The following CNTN3 variants were observed in gnomAD, a reference collection of about 807,000 sequenced individuals.
CNTN3 encodes contactin-3.
Under a neutral mutation model 119.1 loss-of-function variants are expected in CNTN3, and 60 were observed. That is an observed-to-expected ratio of 0.50 (90% CI 0.41 to 0.62). CNTN3 has a LOEUF of 0.62. Among genes scored for constraint, CNTN3 ranks in the 20% least tolerant of loss-of-function variants. CNTN3 has a pLI of 0.00. For missense variants in CNTN3, 1,101 were observed against 1,242.4 expected (o/e 0.89, Z 1.71); for synonymous variants, 450 against 438.7 (o/e 1.03, Z -0.32).
intron 16 of CNTN3, 81 bp downstream of exon 16, chr3:74,301,317 G>T: frequency 7.2e-7 from 1 of 1,387,794 alleles, no homozygotes; most frequent in African/African-American, 1.4e-5. Flanking sequence ...CTGACCCCCT[G>T]CTGGCCTGGA....
intron 4 of CNTN3, among the ~76,000 whole-genome samples, chr3:74,448,412 C>T (rs1434452131): frequency 6.6e-6 from 1 of 152,156 alleles, no homozygotes; most frequent in Non-Finnish European, 1.5e-5. Flanking sequence ...AACATGAACT[C>T]ACTCTTCATC....
intron 1 of CNTN3, among the ~76,000 whole-genome samples, chr3:74,523,213 G>T (rs1350565233): frequency 6.6e-6 from 1 of 151,754 alleles, no homozygotes; most frequent in Admixed American, 6.6e-5. Context: ...GGCAGCCATA[G>T]TTTTTCTTCT....
intron 4 of CNTN3, among the ~76,000 whole-genome samples, chr3:74,471,508 T>C (rs1212137330): frequency 6.6e-6 from 1 of 152,178 alleles, no homozygotes; most frequent in Non-Finnish European, 1.5e-5. Flanking sequence ...GAATCCTTGA[T>C]CCTCTCTAGC....
At chr3:74,546,646 T>G (rs1369415919) in intron 1 of CNTN3, among the ~76,000 whole-genome samples, 1 of 152,170 alleles carries the variant, frequency 6.6e-6, no homozygotes, top group Non-Finnish European at 1.5e-5. Flanking sequence ...ACCAGTGGTT[T>G]GCCAGGAGCT....
At chr3:74,275,998 T>A (rs568802293) in intron 20 of CNTN3, among the ~76,000 whole-genome samples, 1 of 152,232 alleles carries the variant, frequency 6.6e-6, no homozygotes, top group South Asian at 2.1e-4. Context: ...TAGCTACTCT[T>A]ATATCAAACA....
chr3:74,531,016 T>C (rs1162654105), intron 1 of CNTN3, among the ~76,000 whole-genome samples: 2 of 151,934 alleles, frequency 1.3e-5, no homozygotes, highest in Non-Finnish European at 2.9e-5. Flanking sequence ...CTTTCTTCTC[T>C]TCCGGGCAAA....
chr3:74,517,310 G>C (rs554063753), intron 2 of CNTN3, among the ~76,000 whole-genome samples: 1 of 152,022 alleles, frequency 6.6e-6, no homozygotes, highest in South Asian at 2.1e-4. Flanking sequence ...GAGGAGATCA[G>C]GTCTTAAGTG....
In CNTN3 at chr3:74,302,786, T is replaced by A. The variant is rs773439000; in HGVS notation, c.1690A>T (p.Ile564Phe). 1 of 1,611,318 alleles carries A rather than the reference T, an allele frequency of 6.2e-7. No individual in the cohort carries two copies. Among genetic ancestry groups the A allele is most frequent in the South Asian group, 1.1e-5 (1 of 90,860 alleles). Residue 564 changes from isoleucine (I) to phenylalanine (F), a missense_variant, in exon 14 of 23, where the codon ATC (isoleucine) becomes TTC (phenylalanine). Transcript: ENST00000263665. ...CTGTGTTTCAGCTGAATGTTTCTGA[T>A]CATTAAATCACCAGATGAACTCTGT... ...VGGSSSGDLM[I>F]RNIQLKHSGK...
intron 2 of CNTN3, among the ~76,000 whole-genome samples, chr3:74,520,837 T>C (rs1278084042): frequency 6.6e-6 from 1 of 151,632 alleles, no homozygotes; most frequent in Non-Finnish European, 1.5e-5. Flanking sequence ...ATATCAGATG[T>C]CATTATATTT....
At chr3:74,485,086 C>T (rs1411351600) in intron 4 of CNTN3, among the ~76,000 whole-genome samples, 1 of 152,018 alleles carries the variant, frequency 6.6e-6, no homozygotes, top group African/African-American at 2.4e-5. Flanking sequence ...TATGCACATA[C>T]ACAATTATCT....
At position 74,424,980 on chromosome 3, in the gene CNTN3, C is replaced by T. The variant is rs751166160; in HGVS notation, c.359-40G>A. Reference sequence around the variant, plus strand: ...AAACAAAACTGAATTTTAGAAAGACCAATTAAATCACAAATTTTACACCAA... The same window carrying T: ...AAACAAAACTGAATTTTAGAAAGACTAATTAAATCACAAATTTTACACCAA... On this transcript the variant is annotated intron_variant, in intron 4 of 22. Coordinates refer to ENST00000263665, the MANE Select transcript of CNTN3 (RefSeq NM_020872.3). 4.4e-5 allele frequency: 60 copies of T among 1,351,052 alleles called. 1 individual carries two copies. The South Asian group carries it at 7.9e-4, about 18-fold the overall frequency. 83.7% of individuals were successfully genotyped at this position (1,351,052 alleles called of 1,614,324 possible).
chr3:74,431,463 CAAGT>C (rs1487324941), intron 4 of CNTN3, among the ~76,000 whole-genome samples: 2 of 152,148 alleles, frequency 1.3e-5, no homozygotes, highest in African/African-American at 4.8e-5. Flanking sequence ...CATTTCCCAA[CAAGT>C]AAATTTGAGT....
At chr3:74,596,540 A>G (rs1704813605) in intron 1 of CNTN3, among the ~76,000 whole-genome samples, 1 of 152,176 alleles carries the variant, frequency 6.6e-6, no homozygotes, top group Non-Finnish European at 1.5e-5. Context: ...CCACATATCT[A>G]CAACTATCTG....
chr3:74,583,731 C>T (rs1178165395), intron 1 of CNTN3, among the ~76,000 whole-genome samples: 2 of 152,174 alleles, frequency 1.3e-5, no homozygotes, highest in Non-Finnish European at 2.9e-5. Flanking sequence ...ATTAATCATA[C>T]TTTAATTTTC....
At chr3:74,415,429 C>A (rs969443897) in intron 5 of CNTN3, among the ~76,000 whole-genome samples, 5 of 152,082 alleles carry the variant, frequency 3.3e-5, no homozygotes, top group Admixed American at 1.3e-4. Flanking sequence ...TGACTTTAAT[C>A]CAAAAGGGAT....
At chr3:74,495,718 T>C (rs1320130790) in intron 3 of CNTN3, among the ~76,000 whole-genome samples, 1 of 152,050 alleles carries the variant, frequency 6.6e-6, no homozygotes, top group African/African-American at 2.4e-5. Flanking sequence ...TGACTATCAG[T>C]AAATTAAATA....
chr3:74,357,675 T>C (rs1053923518), intron 11 of CNTN3, among the ~76,000 whole-genome samples: 12 of 152,190 alleles, frequency 7.9e-5, no homozygotes, highest in African/African-American at 2.7e-4. Context: ...ATTGGCTTAA[T>C]CAAAATGTAT....
chr3:74,363,509 CT>C (rs995262914), intron 10 of CNTN3, among the ~76,000 whole-genome samples: 2 of 152,132 alleles, frequency 1.3e-5, no homozygotes, highest in African/African-American at 4.8e-5. Flanking sequence ...AAAATTGTCC[CT>C]GGTTGAGAAA....
chr3:74,448,448 T>C (rs186910166), intron 4 of CNTN3, among the ~76,000 whole-genome samples: 1 of 152,286 alleles, frequency 6.6e-6, no homozygotes, highest in Admixed American at 6.5e-5. Context: ...GTGTATTGTA[T>C]TATTTTAGTT....
Sources: allele counts gnomAD v4.1 joint callset (sites outside exome capture counted in the v4.1 genomes callset), GRCh38; gene constraint gnomAD v4.1.1; transcripts MANE v1.5; gene names NCBI Gene and HGNC (gene_info 2026-07-23, HGNC 2026-07-21).